PROM1: variants seen among roughly 807,000 people sequenced by gnomAD.
PROM1 encodes the protein prominin-1.
In PROM1, 105 loss-of-function variants were observed where a neutral mutation model predicts 116.9. The observed-to-expected ratio is 0.90, with a 90% CI of 0.77 to 1.06. The LOEUF (loss-of-function observed/expected upper bound fraction) is 1.06. Among genes scored for constraint, PROM1 ranks in the 50% least tolerant of loss-of-function variants. The pLI, the probability that PROM1 is intolerant of heterozygous loss-of-function variation, is 0.00. For missense variants in PROM1, 1,122 were observed against 1,045.2 expected, an observed-to-expected ratio of 1.07 and a Z score of -1.01; for synonymous variants, 393 against 387.0, an observed-to-expected ratio of 1.02 and a Z score of -0.18.
chr4:16,034,488 C>G (rs572837834), intron 4 of PROM1, among the ~76,000 whole-genome samples: 1 of 152,138 alleles, frequency 6.6e-6, no homozygotes. Context: ...CCTTGGCAGT[C>G]CGTGTCTCAG....
At chr4:15,990,346 C>A (rs1358750026) in intron 18 of PROM1, among the ~76,000 whole-genome samples, 2 of 152,206 alleles carry the variant, frequency 1.3e-5, no homozygotes, top group African/African-American at 4.8e-5. Context: ...TGGCGTGCTG[C>A]TTCTTGGACG....
At chr4:15,977,366 T>C (rs146647898) in intron 26 of PROM1, among the ~76,000 whole-genome samples, 19 of 152,274 alleles carry the variant, frequency 1.2e-4, no homozygotes, top group Non-Finnish European at 2.6e-4. Flanking sequence ...ACAGCTGTCC[T>C]CTGATCTTGA....
At chr4:16,074,945 C>T (rs961287362) in intron 2 of PROM1, among the ~76,000 whole-genome samples, 3 of 152,204 alleles carry the variant, frequency 2.0e-5, no homozygotes, top group Non-Finnish European at 4.4e-5. Flanking sequence ...TTAGGATGGA[C>T]TTACTGTTAA....
chr4:15,993,787 C>A (rs1721641528), intron 16 of PROM1, among the ~76,000 whole-genome samples, 200 bp downstream of exon 16: 1 of 152,198 alleles, frequency 6.6e-6, no homozygotes, highest in Non-Finnish European at 1.5e-5. Flanking sequence ...ACAAGAAAGA[C>A]AACTGGTCGG....
intron 13 of PROM1, among the ~76,000 whole-genome samples, chr4:16,001,669 T>C (rs1365919480): frequency 6.6e-6 from 1 of 152,062 alleles, no homozygotes; most frequent in Non-Finnish European, 1.5e-5. Context: ...CACTGCCAAC[T>C]TGAAACAAGT....
At chr4:16,035,783 A>G in intron 3 of PROM1, 22 bp from the exon 4 acceptor site, 1 of 1,612,830 alleles carries the variant, frequency 6.2e-7, no homozygotes, top group East Asian at 2.2e-5. Flanking sequence ...AACGCAGGTG[A>G]GGAATTTTGG....
intron 2 of PROM1, among the ~76,000 whole-genome samples, chr4:16,041,103 A>G (rs1735119323): frequency 6.6e-6 from 1 of 152,208 alleles, no homozygotes; most frequent in South Asian, 2.1e-4. Flanking sequence ...CCATGAGGTC[A>G]AAACACAAGA....
chr4:15,976,911 C>T (rs1342828284), intron 26 of PROM1, among the ~76,000 whole-genome samples: 1 of 152,186 alleles, frequency 6.6e-6, no homozygotes, highest in Admixed American at 6.5e-5. Context: ...GCAGAGCCTA[C>T]AGCTCTATGG....
chr4:16,049,954 C>G (rs1321278336), intron 2 of PROM1, among the ~76,000 whole-genome samples: 1 of 152,048 alleles, frequency 6.6e-6, no homozygotes, highest in East Asian at 1.9e-4. Flanking sequence ...TTCTTCCACC[C>G]AAGCTTCACC....
intron 7 of PROM1, 122 bp downstream of exon 7, chr4:16,024,173 G>C: frequency 1.2e-6 from 1 of 864,754 alleles, no homozygotes; most frequent in Admixed American, 2.2e-5. Flanking sequence ...TGGCAATAAG[G>C]CTAGGGAATC....
chr4:16,006,486 GTC>G, intron 13 of PROM1, 50 bp downstream of exon 13: 1 of 1,518,622 alleles, frequency 6.6e-7, no homozygotes, highest in Non-Finnish European at 8.9e-7. Flanking sequence ...TCAGCACCCA[GTC>G]TCTCTCCTGC....
intron 26 of PROM1, among the ~76,000 whole-genome samples, chr4:15,973,201 C>CT (rs1469024389): frequency 1.3e-5 from 2 of 151,414 alleles, no homozygotes; most frequent in African/African-American, 4.8e-5. Flanking sequence ...TGGCTCATGC[C>CT]TGTAATCTAG....
In PROM1 at chr4:16,062,133, C is replaced by T. The variant is rs917926220; in HGVS notation, c.220+13554G>A. On this transcript the variant is annotated intron_variant, in intron 2 of 27. Coordinates refer to ENST00000447510, the MANE Select transcript of PROM1 (RefSeq NM_006017.3). ...GGTCTCGATCTCCTGACTTCGTGAC[C>T]ACCCGCCTCGGCACCCCAAAGTGCT... is the stretch of plus-strand genomic sequence containing the variant. Among the ~76,000 whole-genome samples the T allele has an allele frequency of 6.6e-5, 10 of 152,054 alleles. 1 individual carries two copies. The highest frequency in any genetic ancestry group is 5.2e-4 in the Admixed American group (8 of 15,276).
At chr4:15,994,748 A>G (rs1227573584) in intron 15 of PROM1, among the ~76,000 whole-genome samples, 1 of 152,210 alleles carries the variant, frequency 6.6e-6, no homozygotes, top group Non-Finnish European at 1.5e-5. Flanking sequence ...TGCCACAAAA[A>G]TAGCGGCATC....
chr4:16,032,013 A>G (rs565942937), intron 5 of PROM1, among the ~76,000 whole-genome samples: 26 of 152,304 alleles, frequency 1.7e-4, no homozygotes, highest in Middle Eastern at 3.4e-3. Context: ...ACAGCAAGAA[A>G]TGAGTTTCCT....
intron 23 of PROM1, among the ~76,000 whole-genome samples, chr4:15,983,047 T>G (rs1718365963): frequency 6.6e-6 from 1 of 152,170 alleles, no homozygotes; most frequent in South Asian, 2.1e-4. Context: ...AATGCACTGG[T>G]GACTCATGGA....
intron 13 of PROM1, among the ~76,000 whole-genome samples, chr4:16,006,180 A>AAATG (rs999134831): frequency 3.2e-4 from 49 of 152,380 alleles, no homozygotes; most frequent in African/African-American, 9.6e-4. Context: ...GTGAGTGAAT[A>AAATG]AATGAATGAA....
chr4:16,036,485 G>A (rs1178128748), intron 3 of PROM1, among the ~76,000 whole-genome samples: 1 of 152,136 alleles, frequency 6.6e-6, no homozygotes, highest in African/African-American at 2.4e-5. Context: ...GTCACACAGG[G>A]CATTTTAAAT....
intron 26 of PROM1, among the ~76,000 whole-genome samples, chr4:15,978,077 C>T (rs1371081217): frequency 6.6e-6 from 1 of 152,160 alleles, no homozygotes; most frequent in Non-Finnish European, 1.5e-5. Context: ...CTTGCCCTTT[C>T]CACCATGTGA....
Sources: gnomAD v4.1 joint callset for allele counts (sites outside exome capture counted in the v4.1 genomes callset) on GRCh38, gnomAD v4.1.1 for gene constraint, MANE v1.5 for transcripts, NCBI Gene and HGNC (gene_info 2026-07-23, HGNC 2026-07-21) for gene names.